SOX6: variants seen among roughly 807,000 people sequenced by gnomAD.
SOX6 encodes transcription factor SOX-6.
Under a neutral mutation model 97.8 loss-of-function variants are expected in SOX6, and 11 were observed. That is an observed-to-expected ratio of 0.11 (90% CI 0.07 to 0.19). The LOEUF is 0.19. Ranked by LOEUF, SOX6 falls within the 10% of genes least tolerant of loss-of-function variation. The pLI, the probability that SOX6 is intolerant of heterozygous loss-of-function variation, is 1.00. For missense variants in SOX6, 810 were observed against 1,039.5 expected (o/e 0.78, Z 3.04); for synonymous variants, 360 against 371.4 (o/e 0.97, Z 0.35).
At chr11:16,404,888 G>A (rs1234164205) in intron 1 of SOX6, among the ~76,000 whole-genome samples, 2 of 152,012 alleles carry the variant, frequency 1.3e-5, no homozygotes, top group East Asian at 3.9e-4. Flanking sequence ...AAACACTAAA[G>A]CTCTTTTTAA....
chr11:16,149,700 T>A (rs1219704030), intron 6 of SOX6, among the ~76,000 whole-genome samples: 1 of 152,178 alleles, frequency 6.6e-6, no homozygotes, highest in East Asian at 1.9e-4. Flanking sequence ...ATTTTAAAAC[T>A]CATCAAGTTT....
At chr11:16,529,777 G>A (rs914305437) in intron 4 of SOX6, among the ~76,000 whole-genome samples, 2 of 151,706 alleles carry the variant, frequency 1.3e-5, no homozygotes, top group African/African-American at 4.8e-5. Context: ...ATTCTAGTTG[G>A]TGGCACTCAG....
intron 6 of SOX6, among the ~76,000 whole-genome samples, chr11:16,123,420 C>T (rs1463082327): frequency 1.3e-5 from 2 of 151,952 alleles, no homozygotes; most frequent in East Asian, 3.9e-4. Flanking sequence ...CAAATTGTCC[C>T]TCCTTGGAAG....
chr11:16,130,953 A>T (rs1849725439), intron 6 of SOX6, among the ~76,000 whole-genome samples: 1 of 151,986 alleles, frequency 6.6e-6, no homozygotes, highest in African/African-American at 2.4e-5. Context: ...CTTATACACA[A>T]AATTTAACTC....
chr11:16,684,395 C>T (rs1023418695), intron 3 of SOX6, among the ~76,000 whole-genome samples: 1 of 152,140 alleles, frequency 6.6e-6, no homozygotes, highest in Non-Finnish European at 1.5e-5. Context: ...GAATACTATG[C>T]AGCCATAAAA....
intron 9 of SOX6, among the ~76,000 whole-genome samples, chr11:16,074,708 C>T (rs932187145): frequency 2.6e-5 from 4 of 152,060 alleles, no homozygotes; most frequent in Non-Finnish European, 5.9e-5. Flanking sequence ...AAAGAAATTA[C>T]AGATGATACT....
intron 4 of SOX6, among the ~76,000 whole-genome samples, chr11:16,204,920 T>C (rs1449361845): frequency 1.3e-5 from 2 of 152,022 alleles, no homozygotes; most frequent in Non-Finnish European, 2.9e-5. Context: ...AATTCTCAGT[T>C]CAGAACTCCT....
intron 9 of SOX6, among the ~76,000 whole-genome samples, chr11:16,065,287 T>A (rs1296850055): frequency 6.6e-6 from 1 of 151,768 alleles, no homozygotes; most frequent in East Asian, 1.9e-4. Context: ...TAAAATTAAA[T>A]GCCTAAAAAT....
intron 4 of SOX6, among the ~76,000 whole-genome samples, chr11:16,206,421 T>G (rs937478381): frequency 2.6e-5 from 4 of 152,200 alleles, no homozygotes; most frequent in African/African-American, 9.7e-5. Context: ...TTAGTGAGTT[T>G]TGTTTGCATA....
At chr11:16,086,746 A>G (rs1216386273) in intron 9 of SOX6, among the ~76,000 whole-genome samples, 1 of 152,190 alleles carries the variant, frequency 6.6e-6, no homozygotes, top group East Asian at 1.9e-4. Context: ...AAAGCCACGG[A>G]ATAAGATAAG....
chr11:16,137,044 G>A (rs976640718), intron 6 of SOX6, among the ~76,000 whole-genome samples: 1 of 152,170 alleles, frequency 6.6e-6, no homozygotes, highest in South Asian at 2.1e-4. Flanking sequence ...AATAATATGT[G>A]CCTTGGAAGA....
intron 1 of SOX6, among the ~76,000 whole-genome samples, chr11:16,351,526 T>C (rs921920273): frequency 2.6e-5 from 4 of 152,122 alleles, no homozygotes; most frequent in Non-Finnish European, 4.4e-5. Context: ...AAAACATCAG[T>C]GGCTCTCCCC....
At chr11:16,411,254 C>A (rs1858812345) in intron 1 of SOX6, among the ~76,000 whole-genome samples, 1 of 152,142 alleles carries the variant, frequency 6.6e-6, no homozygotes, top group Non-Finnish European at 1.5e-5. Context: ...CGAGGACTTT[C>A]AAAGGTTAAT....
intron 3 of SOX6, among the ~76,000 whole-genome samples, chr11:16,695,141 A>G (rs1848044223): frequency 6.6e-6 from 1 of 152,184 alleles, no homozygotes; most frequent in African/African-American, 2.4e-5. Context: ...TCTATATGTA[A>G]TTCACCAAAG....
chr11:16,306,626 T>TC (rs1565081688), intron 3 of SOX6, among the ~76,000 whole-genome samples: 3 of 131,648 alleles, frequency 2.3e-5, no homozygotes, highest in African/African-American at 7.9e-5. Context: ...TTTTTTTTTT[T>TC]CTTTTTTTTT....
chr11:16,207,509 G>T (rs2134136699), intron 4 of SOX6, among the ~76,000 whole-genome samples: 1 of 151,582 alleles, frequency 6.6e-6, no homozygotes, highest in South Asian at 2.1e-4. Flanking sequence ...GCAGGAGAAT[G>T]GCCTGAACCT....
chr11:16,448,060 T>A (rs911982195), intron 1 of SOX6, among the ~76,000 whole-genome samples: 7 of 152,206 alleles, frequency 4.6e-5, no homozygotes, highest in Admixed American at 4.6e-4. Context: ...TATAGGATGC[T>A]TATGAGTTTG....
chr11:16,487,858 A>T (rs1425534203), intron 4 of SOX6, among the ~76,000 whole-genome samples: 1 of 152,204 alleles, frequency 6.6e-6, no homozygotes, highest in Non-Finnish European at 1.5e-5. Context: ...TCTGTAATTT[A>T]AAAGTATCAG....
chr11:16,362,791 G>A (rs945585335), intron 1 of SOX6, among the ~76,000 whole-genome samples: 8 of 152,092 alleles, frequency 5.3e-5, no homozygotes, highest in South Asian at 2.1e-4. Flanking sequence ...CAATAAGCAC[G>A]TCTACTCTTT....
Sources: allele counts gnomAD v4.1 joint callset (sites outside exome capture counted in the v4.1 genomes callset), GRCh38; gene constraint gnomAD v4.1.1; transcripts MANE v1.5; gene names NCBI Gene and HGNC (gene_info 2026-07-23, HGNC 2026-07-21).